The following FRMD4A variants were observed in gnomAD, a reference collection of about 807,000 sequenced individuals.
FRMD4A encodes the protein FERM domain-containing protein 4A.
Under a neutral mutation model 129.1 loss-of-function variants are expected in FRMD4A, and 29 were observed. The observed-to-expected ratio is 0.22, with a 90% CI of 0.17 to 0.31. The LOEUF (loss-of-function observed/expected upper bound fraction) is 0.31. Ranked by LOEUF, FRMD4A falls within the 10% of genes least tolerant of loss-of-function variation. The pLI is 1.00. For missense variants in FRMD4A, 1,272 were observed against 1,375.8 expected, an observed-to-expected ratio of 0.92 and a Z score of 1.19; for synonymous variants, 634 against 571.6, an observed-to-expected ratio of 1.11 and a Z score of -1.56.
chr10:14,034,380 A>G (rs768852759), intron 2 of FRMD4A, among the ~76,000 whole-genome samples: 10 of 152,230 alleles, frequency 6.6e-5, no homozygotes, highest in Non-Finnish European at 1.0e-4. Flanking sequence ...CCTTGAGCAG[A>G]CAGGGCCCTC....
At chr10:14,230,945 T>G (rs1843618732) in intron 2 of FRMD4A, among the ~76,000 whole-genome samples, 1 of 152,216 alleles carries the variant, frequency 6.6e-6, no homozygotes, top group Non-Finnish European at 1.5e-5. Context: ...GCATCCATGT[T>G]GCTGCAAAGA....
intron 2 of FRMD4A, among the ~76,000 whole-genome samples, chr10:13,887,550 G>T (rs1003658651): frequency 1.3e-5 from 2 of 152,064 alleles, no homozygotes; most frequent in Non-Finnish European, 2.9e-5. Context: ...GTAGTGGCAC[G>T]TGCCTGTATT....
intron 3 of FRMD4A, among the ~76,000 whole-genome samples, chr10:13,840,792 A>AC (rs2093952065): frequency 1.4e-4 from 1 of 7,344 alleles, no homozygotes; most frequent in African/African-American, 6.4e-4. Flanking sequence ...CTGTCTCAAA[A>AC]AAAAAAAAAA....
intron 19 of FRMD4A, among the ~76,000 whole-genome samples, chr10:13,661,031 G>A (rs1370716119): frequency 1.3e-5 from 2 of 152,150 alleles, no homozygotes; most frequent in Non-Finnish European, 2.9e-5. Flanking sequence ...CCATTGGTTG[G>A]AGAAGAAAAA....
intron 2 of FRMD4A, among the ~76,000 whole-genome samples, chr10:14,314,099 C>T (rs1353802651): frequency 6.6e-6 from 1 of 152,192 alleles, no homozygotes; most frequent in African/African-American, 2.4e-5. Context: ...AGAAGAAATG[C>T]CCAACCACAG....
intron 3 of FRMD4A, among the ~76,000 whole-genome samples, chr10:13,850,814 C>A: frequency 6.6e-6 from 1 of 152,226 alleles, no homozygotes; most frequent in East Asian, 1.9e-4. Flanking sequence ...TCACTAGCTA[C>A]GTGACCTTGA....
At chr10:14,290,915 T>C (rs1845831855) in intron 2 of FRMD4A, among the ~76,000 whole-genome samples, 1 of 152,096 alleles carries the variant, frequency 6.6e-6, no homozygotes, top group Non-Finnish European at 1.5e-5. Context: ...CAATAAAAGG[T>C]GTCTATTATT....
intron 2 of FRMD4A, among the ~76,000 whole-genome samples, chr10:14,076,687 T>A (rs1057224882): frequency 1.3e-5 from 2 of 152,116 alleles, no homozygotes; most frequent in Non-Finnish European, 2.9e-5. Context: ...CTATGAACTT[T>A]GGGGTGGGGG....
At chr10:14,044,798 C>A (rs945947578) in intron 2 of FRMD4A, among the ~76,000 whole-genome samples, 6 of 152,356 alleles carry the variant, frequency 3.9e-5, no homozygotes, top group African/African-American at 1.2e-4. Flanking sequence ...ACCACCATAA[C>A]CTTCATAGAA....
At chr10:14,261,286 T>C in intron 2 of FRMD4A, among the ~76,000 whole-genome samples, 1 of 152,232 alleles carries the variant, frequency 6.6e-6, no homozygotes, top group East Asian at 1.9e-4. Context: ...TGCTTGATTA[T>C]AAATTTCCTA....
rs944325070 is a variant in FRMD4A, at chr10:14,223,770, A to C, written c.45+106288T>G. On this transcript the variant is annotated intron_variant, in intron 2 of 24. Coordinates refer to ENST00000357447, the MANE Select transcript of FRMD4A (RefSeq NM_018027.5). ...TGAAAAAAAAAAAAAAAAAAGAGAG[A>C]GAGAGAGAGAGAAAGAGAGAATAAA... Among the ~76,000 whole-genome samples the C allele has an allele frequency of 1.5e-4, 12 of 79,056 alleles. No homozygotes were observed. In the East Asian group the frequency reaches 1.7e-3, roughly 11 times the overall value. 51.9% of individuals were successfully genotyped at this position (79,056 alleles called of 152,430 possible). A position where few individuals can be genotyped will look rare whatever the true frequency, so the allele number is the denominator to read the frequency against.
At chr10:14,017,588 T>C (rs1225854868) in intron 2 of FRMD4A, among the ~76,000 whole-genome samples, 3 of 152,212 alleles carry the variant, frequency 2.0e-5, no homozygotes, top group Non-Finnish European at 4.4e-5. Context: ...ATGCTTCCTT[T>C]TCCAGGAGGA....
chr10:13,936,540 C>A (rs1342078449), intron 2 of FRMD4A, among the ~76,000 whole-genome samples: 4 of 152,184 alleles, frequency 2.6e-5, no homozygotes, highest in Non-Finnish European at 5.9e-5. Context: ...TCATAAGAGA[C>A]AGACCCCAGA....
At chr10:13,773,107 T>C (rs1050124674) in intron 6 of FRMD4A, among the ~76,000 whole-genome samples, 4 of 152,128 alleles carry the variant, frequency 2.6e-5, no homozygotes, top group Non-Finnish European at 5.9e-5. Flanking sequence ...AATTAAAAAT[T>C]TAAAAAACCA....
At chr10:14,240,396 A>C (rs1345570504) in intron 2 of FRMD4A, among the ~76,000 whole-genome samples, 3 of 152,124 alleles carry the variant, frequency 2.0e-5, no homozygotes, top group Non-Finnish European at 4.4e-5. Flanking sequence ...TTCACCCTAA[A>C]CAAGCCTGCT....
At chr10:13,806,866 G>A (rs561921858) in intron 4 of FRMD4A, among the ~76,000 whole-genome samples, 1 of 152,312 alleles carries the variant, frequency 6.6e-6, no homozygotes, top group South Asian at 2.1e-4. Flanking sequence ...GGAGTGCAGT[G>A]GCATGACCTC....
rs973457956 is a variant in FRMD4A at position 14,110,134 on chromosome 10, A to T, written c.45+219924T>A. 1.3e-4 allele frequency among the ~76,000 whole-genome samples: 20 copies of T among 150,398 alleles called. 1 individual carries two copies. The highest frequency in any genetic ancestry group is 4.9e-4 in the African/African-American group (20 of 41,158). ...ACAAAGCGAGATGCTGTAAAAAAAA[A>T]AAAAAAAAAAAAAGCTCTTTTCTTT... On this transcript the variant is annotated intron_variant, in intron 2 of 24. Coordinates refer to ENST00000357447, the MANE Select transcript of FRMD4A (RefSeq NM_018027.5).
At chr10:14,023,075 C>T (rs1218226340) in intron 2 of FRMD4A, among the ~76,000 whole-genome samples, 1 of 152,092 alleles carries the variant, frequency 6.6e-6, no homozygotes, top group South Asian at 2.1e-4. Flanking sequence ...GTCCAAGAAA[C>T]CTCCCTGTCT....
At chr10:14,255,561 C>A (rs941041401) in intron 2 of FRMD4A, among the ~76,000 whole-genome samples, 1 of 152,196 alleles carries the variant, frequency 6.6e-6, no homozygotes, top group African/African-American at 2.4e-5. Context: ...AGGAGACAAT[C>A]AGATGAGCAC....
Sources: allele counts gnomAD v4.1 joint callset (sites outside exome capture counted in the v4.1 genomes callset), GRCh38; gene constraint gnomAD v4.1.1; transcripts MANE v1.5; gene names NCBI Gene and HGNC (gene_info 2026-07-23, HGNC 2026-07-21).